NTNG1: variants seen among roughly 807,000 people sequenced by gnomAD.
NTNG1 encodes netrin-G1.
A neutral mutation model predicts 54.0 loss-of-function variants in NTNG1; 16 were observed. The ratio of observed to expected loss-of-function variants is 0.30; its 90% CI spans 0.20 to 0.45. NTNG1 has a LOEUF of 0.45. Among genes scored for constraint, NTNG1 ranks in the 20% least tolerant of loss-of-function variants. NTNG1 has a pLI of 1.00. For missense variants in NTNG1, 530 were observed against 678.7 expected (o/e 0.78, Z 2.43); for synonymous variants, 255 against 263.1 (o/e 0.97, Z 0.30).
chr1:107,469,450 A>G (rs955331640), intron 7 of NTNG1, among the ~76,000 whole-genome samples: 1 of 152,154 alleles, frequency 6.6e-6, no homozygotes, highest in Non-Finnish European at 1.5e-5. Context: ...CAGGCATACA[A>G]CAAAATTTTA....
intron 3 of NTNG1, among the ~76,000 whole-genome samples, chr1:107,331,898 C>T (rs1289104135): frequency 1.3e-5 from 2 of 151,182 alleles, no homozygotes; most frequent in African/African-American, 4.9e-5. Context: ...TAAACCATTC[C>T]ACTAAAATTT....
chr1:107,429,501 T>C (rs1675119757), intron 5 of NTNG1, among the ~76,000 whole-genome samples: 2 of 152,106 alleles, frequency 1.3e-5, no homozygotes, highest in African/African-American at 4.8e-5. Context: ...TCCTGACACA[T>C]AGGTAGACCA....
chr1:107,398,037 G>T (rs1447739951), intron 4 of NTNG1, among the ~76,000 whole-genome samples: 1 of 152,042 alleles, frequency 6.6e-6, no homozygotes, highest in East Asian at 2.0e-4. Flanking sequence ...ATCTATGAGG[G>T]ATACTTAGGA....
intron 3 of NTNG1, 126 bp downstream of exon 3, chr1:107,325,048 T>C: frequency 1.0e-6 from 1 of 953,126 alleles, no homozygotes; most frequent in South Asian, 1.7e-5. Context: ...AACTCCACTG[T>C]AGAAGTAGGT....
intron 2 of NTNG1, among the ~76,000 whole-genome samples, chr1:107,179,691 A>C (rs2101126450): frequency 6.6e-6 from 1 of 152,226 alleles, no homozygotes; most frequent in African/African-American, 2.4e-5. Flanking sequence ...TTCATCACCC[A>C]AGTATTAAAA....
At chr1:107,265,503 C>T (rs1437391156) in intron 2 of NTNG1, among the ~76,000 whole-genome samples, 1 of 152,032 alleles carries the variant, frequency 6.6e-6, no homozygotes, top group Non-Finnish European at 1.5e-5. Flanking sequence ...GAAAATTCTC[C>T]ATTGTGAGTT....
chr1:107,322,112 T>A (rs923754916), intron 2 of NTNG1, among the ~76,000 whole-genome samples: 11 of 152,166 alleles, frequency 7.2e-5, no homozygotes, highest in Non-Finnish European at 1.0e-4. Flanking sequence ...CCATATTTTT[T>A]AAAATAGGTT....
intron 2 of NTNG1, among the ~76,000 whole-genome samples, chr1:107,282,214 G>A (rs1000758904): frequency 6.6e-6 from 1 of 152,118 alleles, no homozygotes; most frequent in African/African-American, 2.4e-5. Context: ...TTAATAGAAA[G>A]CAATCATTTA....
At chr1:107,235,100 A>G (rs1661319468) in intron 2 of NTNG1, among the ~76,000 whole-genome samples, 1 of 152,216 alleles carries the variant, frequency 6.6e-6, no homozygotes, top group Non-Finnish European at 1.5e-5. Flanking sequence ...AAGGTTAGGT[A>G]ATTTTCCCAG....
chr1:107,429,046 C>T (rs1675086792), intron 5 of NTNG1, among the ~76,000 whole-genome samples: 1 of 152,070 alleles, frequency 6.6e-6, no homozygotes, highest in Non-Finnish European at 1.5e-5. Flanking sequence ...TGACTTCTTC[C>T]TGTCCTCACA....
At chr1:107,442,856 G>A (rs910876853) in intron 7 of NTNG1, among the ~76,000 whole-genome samples, 3 of 152,092 alleles carry the variant, frequency 2.0e-5, no homozygotes, top group African/African-American at 7.2e-5. Flanking sequence ...TGTTTGGAGG[G>A]CTAACAAGTA....
chr1:107,319,865 T>TTTCA (rs143435452), intron 2 of NTNG1, among the ~76,000 whole-genome samples: 1 of 147,872 alleles, frequency 6.8e-6, no homozygotes, highest in Non-Finnish European at 1.5e-5. Flanking sequence ...TACCTGAGGT[T>TTTCA]TATATATATA....
At chr1:107,451,804 A>G (rs750301038) in intron 7 of NTNG1, among the ~76,000 whole-genome samples, 7 of 152,134 alleles carry the variant, frequency 4.6e-5, no homozygotes, top group Non-Finnish European at 7.4e-5. Flanking sequence ...AAGATAGAAA[A>G]CAAGTTTAAC....
intron 2 of NTNG1, among the ~76,000 whole-genome samples, chr1:107,158,224 A>T (rs551955948): frequency 6.6e-6 from 1 of 152,130 alleles, no homozygotes; most frequent in Admixed American, 6.6e-5. Context: ...TTTGTGTGCC[A>T]TTTAAAAATT....
chr1:107,249,354 T>C (rs1034974749), intron 2 of NTNG1, among the ~76,000 whole-genome samples: 2 of 151,094 alleles, frequency 1.3e-5, no homozygotes, highest in Admixed American at 6.6e-5. Context: ...TAGTGGCGCA[T>C]GCCTGTAATC....
chr1:107,410,701 A>T (rs1487349041), intron 5 of NTNG1: 1 of 152,112 alleles, frequency 6.6e-6, no homozygotes, highest in Non-Finnish European at 1.5e-5. Context: ...TATCCAAGTG[A>T]ATATTTGTTG....
chr1:107,251,328 G>T (rs952144980), intron 2 of NTNG1, among the ~76,000 whole-genome samples: 1 of 152,044 alleles, frequency 6.6e-6, no homozygotes, highest in Non-Finnish European at 1.5e-5. Flanking sequence ...GTAGAAACTC[G>T]TCTTATCTCC....
chr1:107,288,462 T>A (rs1318908047), intron 2 of NTNG1, among the ~76,000 whole-genome samples: 1 of 151,690 alleles, frequency 6.6e-6, no homozygotes, highest in Non-Finnish European at 1.5e-5. Context: ...TATTGTGAAA[T>A]AGTAAGGGGA....
chr1:107,181,037 C>T (rs534668705), intron 2 of NTNG1, among the ~76,000 whole-genome samples: 78 of 152,166 alleles, frequency 5.1e-4, no homozygotes, highest in Non-Finnish European at 4.7e-4. Flanking sequence ...AGATTCCCCT[C>T]CTGCAAGTGG....
Sources: gnomAD v4.1 joint callset for allele counts (sites outside exome capture counted in the v4.1 genomes callset) on GRCh38, gnomAD v4.1.1 for gene constraint, MANE v1.5 for transcripts, NCBI Gene and HGNC (gene_info 2026-07-23, HGNC 2026-07-21) for gene names.